Variants in ATG10 observed in about 807,000 individuals in gnomAD.
ATG10 encodes the protein autophagy related 10.
ATG10 carries 30 observed loss-of-function variants against 32.1 expected under a neutral mutation model. That is an observed-to-expected ratio of 0.94 (90% CI 0.70 to 1.27). ATG10 has a LOEUF of 1.27. Among genes scored for constraint, ATG10 ranks in the 50% most tolerant of loss-of-function variants. The probability of loss-of-function intolerance (pLI) is 0.00; values close to 1 mark genes in which losing one functional copy is unlikely to be tolerated. For missense variants in ATG10, 233 were observed against 262.3 expected (o/e 0.89, Z 0.77); for synonymous variants, 87 against 91.5 (o/e 0.95, Z 0.28).
intron 2 of ATG10, among the ~76,000 whole-genome samples, chr5:82,034,904 ATTTG>A (rs1445526974): frequency 1.3e-5 from 2 of 151,972 alleles, no homozygotes; most frequent in East Asian, 3.9e-4. Flanking sequence ...TTATTCATTT[ATTTG>A]TTTATCTATT....
chr5:82,219,273 A>C (rs1745824671), intron 5 of ATG10, among the ~76,000 whole-genome samples: 1 of 152,218 alleles, frequency 6.6e-6, no homozygotes, highest in Admixed American at 6.5e-5. Context: ...AGTATTTTAA[A>C]ATCTGGTCAC....
intron 2 of ATG10, among the ~76,000 whole-genome samples, chr5:82,016,725 G>A (rs1762296173): frequency 6.7e-6 from 1 of 149,482 alleles, no homozygotes. Flanking sequence ...GTCTTGCTCT[G>A]TTGCCCAGGC....
chr5:82,107,853 C>A (rs373758941), intron 3 of ATG10, among the ~76,000 whole-genome samples: 6 of 152,020 alleles, frequency 3.9e-5, no homozygotes, highest in African/African-American at 1.4e-4. Context: ...TAATAAAAAA[C>A]AAATAGGGAT....
intron 2 of ATG10, among the ~76,000 whole-genome samples, chr5:82,006,208 C>T (rs543147153): frequency 6.6e-6 from 1 of 152,002 alleles, no homozygotes; most frequent in Non-Finnish European, 1.5e-5. Context: ...TAAAAATCTC[C>T]ATATTTTACT....
chr5:82,118,377 A>ATGTACATATATATATAT (rs375822722), intron 3 of ATG10, among the ~76,000 whole-genome samples: 3 of 31,418 alleles, frequency 9.5e-5, no homozygotes, highest in African/African-American at 5.4e-4. Context: ...ATATACATAT[A>ATGTACATATATATATAT]ATATATGTAC....
intron 1 of ATG10, among the ~76,000 whole-genome samples, chr5:81,984,934 C>G (rs1037130282): frequency 2.0e-5 from 3 of 152,142 alleles, no homozygotes; most frequent in Admixed American, 6.5e-5. Context: ...ATTTTGTAAT[C>G]AAGCCATAAG....
chr5:82,127,185 AT>A (rs1287968052), intron 3 of ATG10, among the ~76,000 whole-genome samples: 1 of 151,894 alleles, frequency 6.6e-6, no homozygotes, highest in African/African-American at 2.4e-5. Flanking sequence ...CTTCTTTATT[AT>A]TCTGGCTAGC....
intron 3 of ATG10, among the ~76,000 whole-genome samples, chr5:82,143,625 A>G (rs1268559223): frequency 6.6e-6 from 1 of 152,234 alleles, no homozygotes; most frequent in Non-Finnish European, 1.5e-5. Context: ...TAAAGATGAG[A>G]GGCATTATAA....
intron 2 of ATG10, among the ~76,000 whole-genome samples, chr5:81,994,896 C>T (rs1405800187): frequency 6.6e-6 from 1 of 152,076 alleles, no homozygotes; most frequent in Non-Finnish European, 1.5e-5. Flanking sequence ...CATCTAGAAG[C>T]CAAGGTGTTA....
At chr5:82,017,251 G>A (rs536630959) in intron 2 of ATG10, among the ~76,000 whole-genome samples, 68 of 151,964 alleles carry the variant, frequency 4.5e-4, no homozygotes, top group Admixed American at 1.4e-3. Flanking sequence ...GTTGATTTGC[G>A]TATGTTGATT....
rs534022047 is a variant in ATG10, at chr5:82,178,507, C to G, written c.373C>G (p.Leu125Val). ...ASFLDGRPLT[L>V]KDIWEGVHEC... ...TTTCACAGATGGGAGACCTTTAACT[C>G]TGAAGGACATATGGGAAGGAGTTCA... Residue 125 changes from leucine (L) to valine (V), a missense_variant, in exon 5 of 8, where the codon CTG becomes GTG. Coordinates refer to ENST00000282185, the MANE Select transcript of ATG10 (RefSeq NM_031482.5). The G allele has an allele frequency of 1.4e-5, 22 of 1,610,806 alleles. 1 individual carries two copies. The South Asian group carries it at 2.0e-4, about 14-fold the overall frequency.
At chr5:82,127,294 C>T (rs1766318146) in intron 3 of ATG10, among the ~76,000 whole-genome samples, 1 of 151,998 alleles carries the variant, frequency 6.6e-6, no homozygotes, top group South Asian at 2.1e-4. Context: ...CAGTTCTGGC[C>T]TGATCTTAGT....
At chr5:82,190,103 T>A (rs758418681) in intron 5 of ATG10, among the ~76,000 whole-genome samples, 8 of 152,206 alleles carry the variant, frequency 5.3e-5, no homozygotes, top group South Asian at 4.1e-4. Context: ...AGATTCTGTA[T>A]GGATCTGAGC....
At chr5:82,203,061 C>G (rs1745131894) in intron 5 of ATG10, among the ~76,000 whole-genome samples, 1 of 152,082 alleles carries the variant, frequency 6.6e-6, no homozygotes, top group Non-Finnish European at 1.5e-5. Context: ...AACCCCGTCT[C>G]TACTAAAAAT....
chr5:82,097,842 G>A (rs966139373), intron 3 of ATG10, among the ~76,000 whole-genome samples: 3 of 152,194 alleles, frequency 2.0e-5, no homozygotes, highest in Non-Finnish European at 2.9e-5. Context: ...ACTATGGTGT[G>A]TGCTTCAGAG....
At chr5:82,074,012 T>G (rs554592034) in intron 3 of ATG10, among the ~76,000 whole-genome samples, 2 of 152,350 alleles carry the variant, frequency 1.3e-5, no homozygotes, top group African/African-American at 4.8e-5. Context: ...CAAGACTTGT[T>G]TGGAGATACA....
chr5:82,138,287 C>G (rs1407634716), intron 3 of ATG10, among the ~76,000 whole-genome samples: 1 of 152,202 alleles, frequency 6.6e-6, no homozygotes, highest in African/African-American at 2.4e-5. Context: ...AAAAAAACTC[C>G]TGCAGCTACC....
At chr5:82,043,504 T>C (rs759692665) in intron 2 of ATG10, among the ~76,000 whole-genome samples, 4 of 152,246 alleles carry the variant, frequency 2.6e-5, no homozygotes, top group Non-Finnish European at 4.4e-5. Context: ...CTGGCTTGAA[T>C]TCTTCCGTGG....
Position 82,016,043 on chromosome 5 carries a change from G to C in ATG10, c.108+28365G>C, listed in dbSNP as rs551387005. On this transcript the variant is annotated intron_variant, in intron 2 of 7. Coordinates refer to ENST00000282185, the MANE Select transcript of ATG10 (RefSeq NM_031482.5). The stretch of plus-strand genomic sequence containing the variant: ...TTTTCTCCCAGTCTGTGGGTTGTCT[G>C]TTTACTCTGCTGATTATTTCTTTTG... 4.6e-5 allele frequency among the ~76,000 whole-genome samples: 7 copies of C among 152,242 alleles called. No individual in the cohort carries two copies. The East Asian group carries it at 1.3e-3, about 29-fold the overall frequency.
Sources: gnomAD v4.1 joint callset for allele counts (sites outside exome capture counted in the v4.1 genomes callset) on GRCh38, gnomAD v4.1.1 for gene constraint, MANE v1.5 for transcripts, NCBI Gene and HGNC (gene_info 2026-07-23, HGNC 2026-07-21) for gene names.